The following RNASEH2A variants were observed in gnomAD, a reference collection of about 807,000 sequenced individuals.
RNASEH2A encodes the protein RNase H(35).
In RNASEH2A, 30 loss-of-function variants were observed where a neutral mutation model predicts 32.7. That is an observed-to-expected ratio of 0.92 (90% CI 0.69 to 1.25). The LOEUF is 1.25. Ranked by LOEUF, RNASEH2A falls within the 50% of genes most tolerant of loss-of-function variation. The pLI, the probability that RNASEH2A is intolerant of heterozygous loss-of-function variation, is 0.00. For synonymous variants in RNASEH2A, 147 were observed against 165.4 expected, an observed-to-expected ratio of 0.89 and a Z score of 0.86; for missense variants, 409 against 398.1, an observed-to-expected ratio of 1.03 and a Z score of -0.23.
intron 7 of RNASEH2A, 34 bp from the exon 8 acceptor site, chr19:12,813,294 G>T: frequency 6.2e-7 from 1 of 1,614,138 alleles, no homozygotes; most frequent in Non-Finnish European, 8.5e-7. Flanking sequence ...TGCTCCCTGT[G>T]TAAGTGGTCA....
intron 4 of RNASEH2A, among the ~76,000 whole-genome samples, chr19:12,809,171 G>A (rs550671164): frequency 1.3e-5 from 2 of 152,214 alleles, no homozygotes; most frequent in African/African-American, 4.8e-5. Context: ...TCAGGAGTTC[G>A]AGACCAGCCT....
In RNASEH2A at chr19:12,806,789, G is replaced by A. The variant is rs1395573519; in HGVS notation, c.116G>A (p.Gly39Asp). The A allele has an allele frequency of 1.9e-6, 3 of 1,577,578 alleles. No individual in the cohort carries two copies. The East Asian group carries it at 6.9e-5, about 36-fold the overall frequency. ...CVLGVDEAGR[G>D]PVLGPMVYAI... Reference sequence around the variant, plus strand: ...CTGGGCGTCGATGAGGCGGGCAGGGGCCCCGTGCTGGGTGCGCCCCTAGGG... The same window carrying A: ...CTGGGCGTCGATGAGGCGGGCAGGGACCCCGTGCTGGGTGCGCCCCTAGGG... Residue 39 changes from glycine (G) to aspartate (D), a missense_variant, in exon 1 of 8, where the codon GGC (glycine) becomes GAC (aspartate). Coordinates refer to ENST00000221486, the MANE Select transcript of RNASEH2A (RefSeq NM_006397.3).
At position 12,806,625 on chromosome 19, in the gene RNASEH2A, C is replaced by G. The variant is rs375281767; in HGVS notation, c.-49C>G. 7 of 1,557,256 alleles carry G rather than the reference C, an allele frequency of 4.5e-6. No individual in the cohort carries two copies. The highest frequency in any genetic ancestry group is 2.7e-5 in the African/African-American group (2 of 73,324). On this transcript the variant is annotated 5_prime_UTR_variant, in exon 1 of 8. Transcript: ENST00000221486. ...CCCGCGGAAAACGCGCGCCGAGACC[C>G]GCTCCTGCAGTATTAGTTCTTGCAG...
At chr19:12,808,700 T>C (rs1969031137) in intron 4 of RNASEH2A, among the ~76,000 whole-genome samples, 1 of 152,156 alleles carries the variant, frequency 6.6e-6, no homozygotes, top group South Asian at 2.1e-4. Context: ...TTACATTAAA[T>C]TACCAGAGAA....
intron 6 of RNASEH2A, among the ~76,000 whole-genome samples, chr19:12,811,642 G>C (rs1303630961): frequency 1.3e-5 from 2 of 151,688 alleles, no homozygotes; most frequent in African/African-American, 4.8e-5. Flanking sequence ...TGTTAGCCAG[G>C]CGTGGTGGCT....
chr19:12,807,235 G>A lies in RNASEH2A; in HGVS notation c.229G>A (p.Glu77Lys), dbSNP rs771469429. 2 of 1,614,076 alleles carry A rather than the reference G, an allele frequency of 1.2e-6. No homozygotes were observed. Among genetic ancestry groups the A allele is most frequent in the Non-Finnish European group, 1.7e-6 (2 of 1,180,042 alleles). The change falls in exon 3 of 8, where the codon GAA becomes AAA. Residue 77 changes from glutamate to lysine, a missense_variant. By Grantham distance (56) the Glu-to-Lys change is moderately conservative (BLOSUM62 1). Coordinates refer to ENST00000221486, the MANE Select transcript of RNASEH2A (RefSeq NM_006397.3). The stretch of plus-strand genomic sequence containing the variant: ...AAAGACCCTATTGGAGAGCGAGCGG[G>A]AAAGGCTGTTTGCGAAAATGGAGGA... ...DSKTLLESERERLFAKMEDTD... is the reference protein window; with the variant it reads ...DSKTLLESERKRLFAKMEDTD...
rs770200744 is a variant in RNASEH2A, at chr19:12,810,343, A to G, written c.576A>G (p.Lys192=). 3.1e-6 allele frequency: 5 copies of G among 1,614,162 alleles called. No homozygotes were observed. The African/African-American group carries it at 6.7e-5, about 22-fold the overall frequency. The part of the protein sequence containing the change: ...AKVARDQAVK[K]WQFVEKLQDL... ...TGGCCCGGGACCAGGCCGTGAAGAA[A>G]TGGCAGTTCGTGGAGAAACTGCAGG... is the stretch of plus-strand genomic sequence containing the variant. The change falls in exon 6 of 8, where the codon AAA becomes AAG. Residue 192 remains lysine (K), a synonymous_variant. Coordinates refer to ENST00000221486, the MANE Select transcript of RNASEH2A (RefSeq NM_006397.3).
At chr19:12,808,182 G>C (rs868741589) in intron 4 of RNASEH2A, among the ~76,000 whole-genome samples, 9 of 152,150 alleles carry the variant, frequency 5.9e-5, no homozygotes, top group African/African-American at 2.2e-4. Context: ...AACCCGGGAG[G>C]CGGAGGTTGC....
chr19:12,808,170 C>T (rs181976865), intron 4 of RNASEH2A, among the ~76,000 whole-genome samples: 3 of 151,834 alleles, frequency 2.0e-5, no homozygotes, highest in African/African-American at 7.2e-5. Flanking sequence ...AAGAATTGCT[C>T]GAACCCGGGA....
At position 12,810,138 on chromosome 19, in the gene RNASEH2A, TTGAGG is replaced by T; in HGVS notation, c.483_487del (p.Glu161AspfsTer14). 6.2e-7 allele frequency: 1 copy of T among 1,614,092 alleles called. No homozygotes were observed. Among genetic ancestry groups the T allele is most frequent in the South Asian group, 1.1e-5 (1 of 91,078 alleles). ...CGGCTGCAGCAAAGTTTTCCCGGGA[TTGAGG>T]TGACGGTCAAGGCCAAAGCAGATGC... On this transcript the variant is annotated frameshift_variant, in exon 5 of 8. Transcript: ENST00000221486. LOFTEE classifies it high-confidence loss of function.
At position 12,810,162 on chromosome 19, in the gene RNASEH2A, C is replaced by G. The variant is rs748911443; in HGVS notation, c.503C>G (p.Ala168Gly). The G allele has an allele frequency of 6.2e-7, 1 of 1,614,246 alleles. No individual in the cohort carries two copies. Among genetic ancestry groups the G allele is most frequent in the African/African-American group, 1.3e-5 (1 of 75,072 alleles). ...ATTGAGGTGACGGTCAAGGCCAAAG[C>G]AGATGCCCTCTACCCGGTGGTTAGT... ...PGIEVTVKAKADALYPVVSAA... is the reference protein window; with the variant it reads ...PGIEVTVKAKGDALYPVVSAA... The change falls in exon 5 of 8, where the codon GCA (alanine) becomes GGA (glycine). Residue 168 changes from alanine to glycine, a missense_variant. Coordinates refer to ENST00000221486, the MANE Select transcript of RNASEH2A (RefSeq NM_006397.3).
chr19:12,806,817 A>C lies in RNASEH2A; in HGVS notation c.127+17A>C. ...CCGTGCTGGGTGCGCCCCTAGGGCC[A>C]GGGAGGGGAGGGGCGTGGTACGGAG... is the stretch of plus-strand genomic sequence containing the variant. On this transcript the variant is annotated intron_variant, in intron 1 of 7. Coordinates refer to ENST00000221486, the MANE Select transcript of RNASEH2A (RefSeq NM_006397.3). 2 of 1,587,144 alleles carry C rather than the reference A, an allele frequency of 1.3e-6. No homozygotes were observed. Among genetic ancestry groups the C allele is most frequent in the Non-Finnish European group, 1.7e-6 (2 of 1,167,492 alleles).
In RNASEH2A at chr19:12,810,419, G is replaced by T. The variant is rs144484915; in HGVS notation, c.637+15G>T. The T allele has an allele frequency of 6.2e-7, 1 of 1,608,938 alleles. No homozygotes were observed. The highest frequency in any genetic ancestry group is 8.5e-7 in the Non-Finnish European group (1 of 1,175,280). On this transcript the variant is annotated intron_variant, in intron 6 of 7. Coordinates refer to ENST00000221486, the MANE Select transcript of RNASEH2A (RefSeq NM_006397.3). ...CTACCCCAATGGTGAGCAGACACGTGACCATGGTACTAATGTTGAAATGGC... is the reference window on the plus strand; with the variant it reads ...CTACCCCAATGGTGAGCAGACACGTTACCATGGTACTAATGTTGAAATGGC...
intron 4 of RNASEH2A, chr19:12,807,989 G>A (rs866443794): frequency 8.8e-5 from 19 of 216,722 alleles, no homozygotes; most frequent in Admixed American, 2.1e-4. Context: ...AGTGGCTCAC[G>A]GCTGTAATCC....
rs757486362 is a variant in RNASEH2A, at chr19:12,810,114, G to A, written c.455G>A (p.Arg152Gln). 2.6e-5 allele frequency: 42 copies of A among 1,614,198 alleles called. No individual in the cohort carries two copies. The highest frequency in any genetic ancestry group is 4.0e-5 in the African/African-American group (3 of 75,054). Residue 152 changes from arginine (R) to glutamine (Q), a missense_variant, in exon 5 of 8, where the codon CGG (arginine) becomes CAG (glutamine). Physicochemically the swap from Arg to Gln is conservative, Grantham distance 43. Transcript: ENST00000221486. ...GGGATGCCAGAGACATACCAGGCGC[G>A]GCTGCAGCAAAGTTTTCCCGGGATT... ...TVGMPETYQA[R>Q]LQQSFPGIEV...
chr19:12,806,661 C>CG lies in RNASEH2A; in HGVS notation c.-11dup. 6.4e-7 allele frequency: 1 copy of CG among 1,572,642 alleles called. No homozygotes were observed. Among genetic ancestry groups the CG allele is most frequent in the Non-Finnish European group, 8.6e-7 (1 of 1,159,050 alleles). ...TATTAGTTCTTGCAGCTGGTGGTGG[C>CG]GGCTGAGGCGGCATGGATCTCAGCG... is the stretch of plus-strand genomic sequence containing the variant. On this transcript the variant is annotated 5_prime_UTR_variant, in exon 1 of 8. Transcript: ENST00000221486.
rs1000964856 is a variant in RNASEH2A, at chr19:12,809,101, G to A, written c.412-970G>A. Among the ~76,000 whole-genome samples the A allele has an allele frequency of 2.7e-5, 4 of 149,422 alleles. 1 individual carries two copies. The highest frequency in any genetic ancestry group is 5.9e-5 in the Non-Finnish European group (4 of 67,230). ...AAAGATGGTCAGCTGGAGGTTGGGC[G>A]CAGTAGCTCACGCCTGTAATCCCAG... On this transcript the variant is annotated intron_variant, in intron 4 of 7. Coordinates refer to ENST00000221486, the MANE Select transcript of RNASEH2A (RefSeq NM_006397.3).
intron 6 of RNASEH2A, 32 bp downstream of exon 6, chr19:12,810,436 T>G (rs1183318472): frequency 6.4e-7 from 1 of 1,559,044 alleles, no homozygotes; most frequent in Non-Finnish European, 8.8e-7. Context: ...GTACTAATGT[T>G]GAAATGGCCA....
intron 6 of RNASEH2A, 124 bp from the exon 7 acceptor site, chr19:12,812,959 C>T (rs1372980817): frequency 1.1e-5 from 15 of 1,338,752 alleles, no homozygotes; most frequent in Non-Finnish European, 1.3e-5. Context: ...GAGCTGAGAT[C>T]GCGCCACTGC....
Sources: allele counts gnomAD v4.1 joint callset (sites outside exome capture counted in the v4.1 genomes callset), GRCh38; gene constraint gnomAD v4.1.1; transcripts MANE v1.5; gene names NCBI Gene and HGNC (gene_info 2026-07-23, HGNC 2026-07-21).